RAB43: variants seen among roughly 807,000 people sequenced by gnomAD.
RAB43 encodes the protein RAB43, member RAS oncogene family, also known as ras-related protein Rab-43.
Under a neutral mutation model 18.8 loss-of-function variants are expected in RAB43, and 6 were observed. The ratio of observed to expected loss-of-function variants is 0.32; its 90% CI spans 0.17 to 0.63. The LOEUF (loss-of-function observed/expected upper bound fraction) is 0.63, where lower values mean the gene tolerates loss of function less well. Among genes scored for constraint, RAB43 ranks in the 30% least tolerant of loss-of-function variants. The probability of loss-of-function intolerance (pLI) is 0.79; values close to 1 mark genes in which losing one functional copy is unlikely to be tolerated. For missense variants in RAB43, 195 were observed against 289.1 expected, an observed-to-expected ratio of 0.67 and a Z score of 2.36; for synonymous variants, 103 against 124.1, an observed-to-expected ratio of 0.83 and a Z score of 1.13.
chr3:129,092,407 G>A, intron 2 of RAB43: 1 of 623,208 alleles, frequency 1.6e-6, no homozygotes, highest in Non-Finnish European at 2.9e-6. Context: ...CAGATGAGAG[G>A]AGGTTGGACT....
intron 1 of RAB43, among the ~76,000 whole-genome samples, chr3:129,116,421 C>T (rs1367228792): frequency 2.0e-5 from 3 of 152,208 alleles, no homozygotes; most frequent in African/African-American, 2.4e-5. Context: ...TCTTATCTAA[C>T]AGTCCTTTTG....
At chr3:129,100,816 CT>C (rs368002425) in intron 1 of RAB43, among the ~76,000 whole-genome samples, 1 of 151,402 alleles carries the variant, frequency 6.6e-6, no homozygotes, top group East Asian at 1.9e-4. Context: ...TTCTGTTTTT[CT>C]TTTTTTTTGA....
chr3:129,107,299 A>C lies in RAB43; in HGVS notation c.205-12130T>G, dbSNP rs1483356520. ...TCTCACTGCCACTGGCACCTCCTGC[A>C]GGAATCAAACCCGTTCCTGAACAGC... On this transcript the variant is annotated intron_variant, in intron 1 of 2. Transcript: ENST00000315150. This position sits in a 1 kb window ranked among gnomAD's most constrained non-coding sequence, Gnocchi z 4.2. Among the ~76,000 whole-genome samples, 1 of 152,196 alleles carries C rather than the reference A, an allele frequency of 6.6e-6. No individual in the cohort carries two copies. The highest frequency in any genetic ancestry group is 1.5e-5 in the Non-Finnish European group (1 of 68,030).
intron 1 of RAB43, among the ~76,000 whole-genome samples, chr3:129,105,997 C>T (rs1270052464): frequency 6.6e-6 from 1 of 152,168 alleles, no homozygotes; most frequent in Non-Finnish European, 1.5e-5. Flanking sequence ...ATCAGCAGTC[C>T]ACTGTGGGCA....
rs761432449 is a variant in RAB43 at position 129,107,098 on chromosome 3, C to CTG, written c.205-11931_205-11930dup. ...ACCTGGCACTGTCTGTCAGTGCTCC[C>CTG]TGTGTGTCAGGCCACTTCATCCCGT... On this transcript the variant is annotated intron_variant, in intron 1 of 2. Coordinates refer to ENST00000315150, the MANE Select transcript of RAB43 (RefSeq NM_198490.3). This position sits in a 1 kb window ranked among gnomAD's most constrained non-coding sequence, Gnocchi z 4.2. Among the ~76,000 whole-genome samples the CTG allele has an allele frequency of 3.9e-5, 6 of 152,200 alleles. No homozygotes were observed. The highest frequency in any genetic ancestry group is 2.9e-5 in the Non-Finnish European group (2 of 68,036).
chr3:129,104,335 C>T (rs1388715507), intron 1 of RAB43, among the ~76,000 whole-genome samples: 2 of 152,214 alleles, frequency 1.3e-5, no homozygotes, highest in African/African-American at 4.8e-5. Context: ...GACCAGCCAA[C>T]AGGGACTGTA....
intron 1 of RAB43, among the ~76,000 whole-genome samples, chr3:129,114,552 T>C (rs958226809): frequency 1.3e-5 from 2 of 151,130 alleles, no homozygotes; most frequent in Admixed American, 6.6e-5. Context: ...TGAGGGAGAG[T>C]TGCTCCTCTT....
chr3:129,109,214 T>C (rs1054656035), intron 1 of RAB43, among the ~76,000 whole-genome samples: 3 of 151,614 alleles, frequency 2.0e-5, no homozygotes, highest in South Asian at 4.2e-4. Flanking sequence ...ATCGAGACCA[T>C]CCTGGCTAAC....
chr3:129,115,666 C>A (rs1455724154), intron 1 of RAB43, among the ~76,000 whole-genome samples: 1 of 151,538 alleles, frequency 6.6e-6, no homozygotes, highest in Non-Finnish European at 1.5e-5. Flanking sequence ...CCAAAAAATA[C>A]AAAAATTAGC....
At chr3:129,094,022 G>A (rs541788447) in intron 2 of RAB43, among the ~76,000 whole-genome samples, 1 of 152,316 alleles carries the variant, frequency 6.6e-6, no homozygotes, top group Non-Finnish European at 1.5e-5. Flanking sequence ...GTCTGGGAAG[G>A]TTATATAGAA....
At chr3:129,105,487 C>CA (rs930128771) in intron 1 of RAB43, among the ~76,000 whole-genome samples, 24 of 147,880 alleles carry the variant, frequency 1.6e-4, no homozygotes, top group South Asian at 1.5e-3. Flanking sequence ...CAAAACAAAA[C>CA]AAAAAAAACA....
intron 1 of RAB43, among the ~76,000 whole-genome samples, chr3:129,110,012 G>C (rs958438874): frequency 6.6e-6 from 1 of 151,604 alleles, no homozygotes; most frequent in Non-Finnish European, 1.5e-5. Flanking sequence ...CTACAGACAA[G>C]CAACACCATA....
At chr3:129,100,739 G>T (rs536161614) in intron 1 of RAB43, among the ~76,000 whole-genome samples, 47 of 152,192 alleles carry the variant, frequency 3.1e-4, no homozygotes, top group Middle Eastern at 3.4e-3. Flanking sequence ...GTACGCTGGG[G>T]CCAACAAGCC....
chr3:129,101,453 T>C (rs1934408536), intron 1 of RAB43, among the ~76,000 whole-genome samples: 1 of 152,106 alleles, frequency 6.6e-6, no homozygotes, highest in African/African-American at 2.4e-5. Flanking sequence ...GGAGACAGAA[T>C]GTGCCACAGA....
chr3:129,110,945 G>A (rs1040702369), intron 1 of RAB43, among the ~76,000 whole-genome samples: 3 of 151,156 alleles, frequency 2.0e-5, no homozygotes, highest in Admixed American at 6.6e-5. Flanking sequence ...AGACAGGATA[G>A]TAAGGTAAGA....
In RAB43 at chr3:129,095,301, C is replaced by T; in HGVS notation, c.205-132G>A. The T allele has an allele frequency of 1.6e-6, 2 of 1,277,400 alleles. No homozygotes were observed. Among genetic ancestry groups the T allele is most frequent in the South Asian group, 1.6e-5 (1 of 64,362 alleles). The allele number at this position is 1,277,400 out of a possible 1,614,324, so 79.1% of individuals were successfully genotyped here. ...GGAGGCCTTCTGAGTCCTTAGAAAG[C>T]AACTCAATGGCTCAACCTTGTTGGA... On this transcript the variant is annotated intron_variant, in intron 1 of 2. Transcript: ENST00000315150. This position sits in a 1 kb window ranked among gnomAD's most constrained non-coding sequence, Gnocchi z 4.2.
At chr3:129,094,155 C>A (rs1933863144) in intron 2 of RAB43, among the ~76,000 whole-genome samples, 1 of 152,214 alleles carries the variant, frequency 6.6e-6, no homozygotes, top group Non-Finnish European at 1.5e-5. Flanking sequence ...CCCACCCAGC[C>A]CGCCTGGATC....
At chr3:129,111,371 C>T (rs538311886) in intron 1 of RAB43, among the ~76,000 whole-genome samples, 52 of 152,024 alleles carry the variant, frequency 3.4e-4, no homozygotes, top group Admixed American at 2.7e-3. Context: ...AAAAATTAGC[C>T]GGGCGTAGTG....
At position 129,099,115 on chromosome 3, in the gene RAB43, G is replaced by A. The variant is rs192953839; in HGVS notation, c.205-3946C>T. 3.9e-4 allele frequency among the ~76,000 whole-genome samples: 58 copies of A among 150,346 alleles called. 1 individual carries two copies. The Middle Eastern group carries it at 0.014, about 35-fold the overall frequency. ...AACTTAATTTTTTTTTTTTTGAGAC[G>A]GAGTCTCACTCTGTCACCCAGGCTG... On this transcript the variant is annotated intron_variant, in intron 1 of 2. Coordinates refer to ENST00000315150, the MANE Select transcript of RAB43 (RefSeq NM_198490.3).
Sources: allele counts gnomAD v4.1 joint callset (sites outside exome capture counted in the v4.1 genomes callset), GRCh38; gene constraint gnomAD v4.1.1; non-coding constraint Gnocchi (gnomAD v3.1); transcripts MANE v1.5; gene names NCBI Gene and HGNC (gene_info 2026-07-23, HGNC 2026-07-21).